The following TTC29 variants were observed in gnomAD, a reference collection of about 807,000 sequenced individuals.
TTC29 encodes the protein tetratricopeptide repeat domain 29.
In TTC29, 49 loss-of-function variants were observed where a neutral mutation model predicts 58.1. The observed-to-expected ratio is 0.84, with a 90% CI of 0.67 to 1.07. The LOEUF (loss-of-function observed/expected upper bound fraction) is 1.07, where lower values mean the gene tolerates loss of function less well. TTC29 is among the 50% of genes least tolerant of loss of function. The probability of loss-of-function intolerance (pLI) is 0.00; values close to 1 mark genes in which losing one functional copy is unlikely to be tolerated. For missense variants in TTC29, 582 were observed against 555.6 expected, an observed-to-expected ratio of 1.05 and a Z score of -0.48; for synonymous variants, 209 against 196.8, an observed-to-expected ratio of 1.06 and a Z score of -0.52.
At chr4:146,741,970 G>A (rs750626276) in intron 11 of TTC29, among the ~76,000 whole-genome samples, 59 of 152,160 alleles carry the variant, frequency 3.9e-4, no homozygotes, top group Non-Finnish European at 7.6e-4. Flanking sequence ...AGCACTGTGG[G>A]AAATTAATGG....
intron 4 of TTC29, among the ~76,000 whole-genome samples, chr4:146,913,518 A>G (rs79549630): frequency 0.016 from 2,427 of 152,086 alleles, 73 homozygotes; most frequent in African/African-American, 0.054. Flanking sequence ...TCCCTAGCCA[A>G]GGAGTGGGTT....
intron 4 of TTC29, among the ~76,000 whole-genome samples, chr4:146,931,765 C>T (rs374475740): frequency 7.2e-5 from 11 of 152,238 alleles, no homozygotes; most frequent in African/African-American, 2.6e-4. Flanking sequence ...GATATAAACG[C>T]CTAAGAACTT....
chr4:146,860,428 A>AT (rs1344049088), intron 8 of TTC29, among the ~76,000 whole-genome samples: 15 of 152,204 alleles, frequency 9.9e-5, no homozygotes, highest in Non-Finnish European at 2.1e-4. Flanking sequence ...TTTTTGGAAT[A>AT]TTTTTTCTGA....
At chr4:146,898,694 A>G (rs748550656) in intron 6 of TTC29, among the ~76,000 whole-genome samples, 1 of 152,196 alleles carries the variant, frequency 6.6e-6, no homozygotes, top group South Asian at 2.1e-4. Context: ...GAGGACATCT[A>G]ATTTTCCTCT....
chr4:146,921,119 C>T (rs1734549587), intron 4 of TTC29, among the ~76,000 whole-genome samples: 6 of 151,366 alleles, frequency 4.0e-5, no homozygotes, highest in Admixed American at 4.0e-4. Context: ...GTGCGCTGCG[C>T]ACATGAACAG....
intron 5 of TTC29, among the ~76,000 whole-genome samples, chr4:146,908,018 T>C (rs1733642618): frequency 6.6e-6 from 1 of 152,272 alleles, no homozygotes; most frequent in South Asian, 2.1e-4. Flanking sequence ...GTGTGTCTCA[T>C]ATTCATAAGT....
chr4:146,708,588 C>A (rs552115147), intron 11 of TTC29, among the ~76,000 whole-genome samples: 61 of 150,570 alleles, frequency 4.1e-4, no homozygotes, highest in Non-Finnish European at 7.7e-4. Context: ...CATATCTGGC[C>A]TTTTACTTTT....
At chr4:146,769,574 A>G (rs1747569871) in intron 11 of TTC29, among the ~76,000 whole-genome samples, 1 of 152,016 alleles carries the variant, frequency 6.6e-6, no homozygotes, top group South Asian at 2.1e-4. Flanking sequence ...ACACACCATT[A>G]AAAACAAAAG....
chr4:146,867,595 A>G lies in TTC29; in HGVS notation c.800-12T>C, dbSNP rs1309915861. 2 of 1,365,802 alleles carry G rather than the reference A, an allele frequency of 1.5e-6. No individual in the cohort carries two copies. The highest frequency in any genetic ancestry group is 9.9e-7 in the Non-Finnish European group (1 of 1,005,976). 84.6% of individuals were successfully genotyped at this position (1,365,802 alleles called of 1,614,324 possible). ...CTTTTTGTCACTTCCTGAAGTGAAG[A>G]TGTAAAAAAATTACCAAGTATTCAA... is the stretch of plus-strand genomic sequence containing the variant. On this transcript the variant is annotated splice_polypyrimidine_tract_variant and intron_variant, in intron 7 of 12. Transcript: ENST00000325106.
chr4:146,922,519 A>G (rs1418403848), intron 4 of TTC29, among the ~76,000 whole-genome samples: 2 of 151,848 alleles, frequency 1.3e-5, no homozygotes, highest in African/African-American at 4.8e-5. Context: ...CTCTTACTAT[A>G]TGCTTAATGA....
chr4:146,809,818 G>A (rs1468110360), intron 10 of TTC29, among the ~76,000 whole-genome samples: 2 of 149,908 alleles, frequency 1.3e-5, no homozygotes, highest in Non-Finnish European at 3.0e-5. Flanking sequence ...GTTGGTGGGC[G>A]TGTAAATTAG....
intron 11 of TTC29, among the ~76,000 whole-genome samples, chr4:146,755,423 G>A (rs921161029): frequency 6.6e-6 from 1 of 152,112 alleles, no homozygotes; most frequent in African/African-American, 2.4e-5. Flanking sequence ...AAACAATTCT[G>A]AGAAAGAAAA....
At chr4:146,853,224 C>A (rs887156857) in intron 8 of TTC29, among the ~76,000 whole-genome samples, 6 of 151,954 alleles carry the variant, frequency 3.9e-5, no homozygotes, top group Admixed American at 1.3e-4. Context: ...CAATCTCCCC[C>A]AAAAATAGAA....
intron 5 of TTC29, among the ~76,000 whole-genome samples, chr4:146,906,342 T>C (rs949412924): frequency 1.3e-5 from 2 of 152,192 alleles, no homozygotes; most frequent in African/African-American, 2.4e-5. Context: ...TGACCTGAGA[T>C]GACTATTGTT....
rs137864648 is a variant in TTC29, at chr4:146,721,776, C to T, written c.1331-14225G>A. ...TCTATGGACAACTCTTTAATAAGTA[C>T]ATAAAAATTAGTTATGTAAGGAAGT... On this transcript the variant is annotated intron_variant, in intron 11 of 12. Transcript: ENST00000325106. Among the ~76,000 whole-genome samples, 11 of 152,042 alleles carry T rather than the reference C, an allele frequency of 7.2e-5. No individual in the cohort carries two copies. The East Asian group carries it at 2.1e-3, about 29-fold the overall frequency.
At chr4:146,777,196 C>G (rs539628427) in intron 11 of TTC29, among the ~76,000 whole-genome samples, 1 of 152,226 alleles carries the variant, frequency 6.6e-6, no homozygotes, top group East Asian at 1.9e-4. Context: ...ATATTAGGTT[C>G]GCGCACAAGT....
At chr4:146,921,953 A>T (rs1368686644) in intron 4 of TTC29, among the ~76,000 whole-genome samples, 1 of 148,752 alleles carries the variant, frequency 6.7e-6, no homozygotes, top group Non-Finnish European at 1.5e-5. Flanking sequence ...ATGGATATAC[A>T]TCCATGACAC....
intron 11 of TTC29, among the ~76,000 whole-genome samples, chr4:146,800,360 G>A (rs894429253): frequency 1.3e-5 from 2 of 152,184 alleles, no homozygotes; most frequent in Non-Finnish European, 2.9e-5. Flanking sequence ...GATTTGTTTG[G>A]AGGATGGAAG....
At chr4:146,741,331 G>T (rs1163496331) in intron 11 of TTC29, among the ~76,000 whole-genome samples, 1 of 152,074 alleles carries the variant, frequency 6.6e-6, no homozygotes, top group Non-Finnish European at 1.5e-5. Context: ...AGACACAAAT[G>T]CTCAAAGAGC....
Sources: allele counts gnomAD v4.1 joint callset (sites outside exome capture counted in the v4.1 genomes callset), GRCh38; gene constraint gnomAD v4.1.1; transcripts MANE v1.5; gene names NCBI Gene and HGNC (gene_info 2026-07-23, HGNC 2026-07-21).